The following SYTL3 variants were observed in gnomAD, a reference collection of about 807,000 sequenced individuals.
The protein encoded by SYTL3 is synaptotagmin-like protein 3.
Under a neutral mutation model 82.1 loss-of-function variants are expected in SYTL3, and 88 were observed. That is an observed-to-expected ratio of 1.07 (90% confidence interval 0.90 to 1.28). SYTL3 has a LOEUF of 1.28. SYTL3 is among the 50% of genes most tolerant of loss of function. SYTL3 has a pLI of 0.00. For missense variants in SYTL3, 831 were observed against 757.6 expected (o/e 1.10, Z -1.14); for synonymous variants, 311 against 289.4 (o/e 1.07, Z -0.76).
intron 5 of SYTL3, among the ~76,000 whole-genome samples, chr6:158,678,075 G>C (rs1293537044): frequency 1.3e-5 from 2 of 151,962 alleles, no homozygotes; most frequent in Non-Finnish European, 2.9e-5. Flanking sequence ...TTTTTGGTAG[G>C]GATGTTGCTC....
At chr6:158,648,618 A>C (rs2128340967), upstream of SYTL3, among the ~76,000 whole-genome samples, 1 of 150,854 alleles carries the variant, frequency 6.6e-6, no homozygotes, top group East Asian at 1.9e-4. Context: ...AATAATAATA[A>C]TAATAATATC....
rs1038973182 is a variant in SYTL3, at chr6:158,731,467, C to CA, written c.855+5837dup. 6.6e-5 allele frequency among the ~76,000 whole-genome samples: 10 copies of CA among 151,854 alleles called. 1 individual carries two copies. Among genetic ancestry groups the CA allele is most frequent in the Admixed American group, 4.6e-4 (7 of 15,236 alleles). On this transcript the variant is annotated intron_variant, in intron 11 of 17. Transcript: ENST00000611299. ...AACCACCAAGACTGCCTTTGCACAG[C>CA]AAAAAAAGGATGGACACATCATACC...
At chr6:158,703,026 C>CAT (rs1562396233) in intron 6 of SYTL3, among the ~76,000 whole-genome samples, 1 of 151,684 alleles carries the variant, frequency 6.6e-6, no homozygotes. Context: ...TGGTGGCGGG[C>CAT]GCCTGTAGTT....
At chr6:158,758,865 C>T (rs1789515154) in intron 14 of SYTL3, among the ~76,000 whole-genome samples, 1 of 152,216 alleles carries the variant, frequency 6.6e-6, no homozygotes, top group Admixed American at 6.5e-5. Flanking sequence ...CTCAGGACGC[C>T]TGCCATCTCG....
chr6:158,723,969 C>G (rs918270947), intron 10 of SYTL3, among the ~76,000 whole-genome samples: 5 of 152,232 alleles, frequency 3.3e-5, no homozygotes, highest in African/African-American at 1.2e-4. Flanking sequence ...CCGTCACCAG[C>G]TGCTCCAGGT....
At chr6:158,760,185 G>A (rs776911162) in intron 14 of SYTL3, among the ~76,000 whole-genome samples, 11 of 152,202 alleles carry the variant, frequency 7.2e-5, no homozygotes, top group Non-Finnish European at 1.3e-4. Flanking sequence ...CACCCCCTGT[G>A]GCTCTGGACA....
chr6:158,646,563 C>A (rs1787476319), upstream of SYTL3, among the ~76,000 whole-genome samples: 1 of 152,162 alleles, frequency 6.6e-6, no homozygotes, highest in Admixed American at 6.5e-5. Context: ...GATGCAACTA[C>A]CTGCCTCCTT....
chr6:158,752,728 G>A (rs2128529787), intron 13 of SYTL3, among the ~76,000 whole-genome samples: 2 of 152,352 alleles, frequency 1.3e-5, no homozygotes, highest in South Asian at 4.1e-4. Context: ...CCGGGGCTGG[G>A]CAGCCAGAGG....
At chr6:158,696,492 C>T (rs1043163262) in intron 6 of SYTL3, among the ~76,000 whole-genome samples, 4 of 151,884 alleles carry the variant, frequency 2.6e-5, no homozygotes, top group African/African-American at 7.3e-5. Context: ...TGTGAGCCAC[C>T]GCACCTGGCC....
chr6:158,681,247 G>A (rs1377842977), intron 5 of SYTL3, among the ~76,000 whole-genome samples: 2 of 152,152 alleles, frequency 1.3e-5, no homozygotes, highest in African/African-American at 4.8e-5. Context: ...CTGAGATTGA[G>A]GTTGAGTATG....
intron 13 of SYTL3, among the ~76,000 whole-genome samples, chr6:158,756,611 C>CT (rs1789109950): frequency 1.3e-5 from 2 of 149,840 alleles, no homozygotes; most frequent in African/African-American, 4.9e-5. Flanking sequence ...ACTCAGGAGG[C>CT]TAAGGCAGGA....
chr6:158,746,039 A>G (rs567502577), intron 12 of SYTL3, among the ~76,000 whole-genome samples: 10 of 152,230 alleles, frequency 6.6e-5, no homozygotes, highest in Middle Eastern at 3.4e-3. Context: ...TAGATTTGGT[A>G]TCTAGTGAGG....
At chr6:158,659,578 C>G (rs568646177) in intron 2 of SYTL3, among the ~76,000 whole-genome samples, 1 of 152,308 alleles carries the variant, frequency 6.6e-6, no homozygotes, top group South Asian at 2.1e-4. Flanking sequence ...TGGTCTCCAA[C>G]TCCTGACCTC....
At chr6:158,717,131 G>A (rs950055925) in intron 9 of SYTL3, among the ~76,000 whole-genome samples, 14 of 151,288 alleles carry the variant, frequency 9.3e-5, no homozygotes, top group Admixed American at 8.5e-4. Context: ...AAAATTAGCC[G>A]GGCGTGGTGA....
chr6:158,654,376 G>A (rs9457424), intron 2 of SYTL3, among the ~76,000 whole-genome samples: 2 of 151,984 alleles, frequency 1.3e-5, no homozygotes, highest in Non-Finnish European at 2.9e-5. Context: ...AATCAGTGTT[G>A]AACTGACACA....
chr6:158,730,822 C>T (rs12524724), intron 11 of SYTL3, among the ~76,000 whole-genome samples: 30,445 of 151,872 alleles, frequency 0.2, 3,357 homozygotes, highest in South Asian at 0.39. Flanking sequence ...TAAGAGAAAC[C>T]GCAGGGGCGG....
chr6:158,761,119 C>T (rs889756394), intron 15 of SYTL3, among the ~76,000 whole-genome samples: 2 of 152,112 alleles, frequency 1.3e-5, no homozygotes, highest in South Asian at 2.1e-4. Flanking sequence ...AGGGCTCAGA[C>T]GAGATAAATC....
At chr6:158,666,407 T>G (rs1489972598) in intron 5 of SYTL3, among the ~76,000 whole-genome samples, 1 of 152,182 alleles carries the variant, frequency 6.6e-6, no homozygotes, top group Admixed American at 6.5e-5. Flanking sequence ...GGAATTGGTG[T>G]TTTTGCGTTC....
chr6:158,699,473 A>G (rs1490098460), intron 6 of SYTL3, among the ~76,000 whole-genome samples: 1 of 152,090 alleles, frequency 6.6e-6, no homozygotes, highest in Admixed American at 6.5e-5. Context: ...GGATGCATAG[A>G]TGGATAATGA....
Sources: gnomAD v4.1 joint callset for allele counts (sites outside exome capture counted in the v4.1 genomes callset) on GRCh38, gnomAD v4.1.1 for gene constraint, MANE v1.5 for transcripts, NCBI Gene and HGNC (gene_info 2026-07-23, HGNC 2026-07-21) for gene names.